WDR87: variants seen among roughly 807,000 people sequenced by gnomAD.
WDR87 encodes the protein WD repeat domain 87.
In WDR87, 56 loss-of-function variants were observed where a neutral mutation model predicts 83.3. The observed-to-expected ratio is 0.67, with a 90% CI of 0.54 to 0.84. The LOEUF (loss-of-function observed/expected upper bound fraction) is 0.84. WDR87 is among the 40% of genes least tolerant of loss of function. The probability of loss-of-function intolerance (pLI) is 0.00; values close to 1 mark genes in which losing one functional copy is unlikely to be tolerated. For synonymous variants in WDR87, 1,173 were observed against 1,250.6 expected (o/e 0.94, Z 1.31); for missense variants, 2,939 against 3,431.9 (o/e 0.86, Z 3.59).
Position 37,894,275 on chromosome 19 carries a change from C to G in WDR87, c.1428G>C (p.Leu476=). The change falls in exon 4 of 6, where the codon CTG becomes CTC. Residue 476 remains leucine, a synonymous_variant. Transcript: ENST00000447313. ...HFNLGRGLEG[L]IFSGHQSGVI... ...CACCACTCTGGTGCCCAGAGAATAT[C>G]AGTCCCTCTAGACCCCGCCCCAAGT... is the stretch of plus-strand genomic sequence containing the variant. 6.4e-7 allele frequency: 1 copy of G among 1,551,752 alleles called. No homozygotes were observed.
chr19:37,888,400 C>A lies in WDR87; in HGVS notation c.5271G>T (p.Leu1757Phe). 1 of 1,552,148 alleles carries A rather than the reference C, an allele frequency of 6.4e-7. No individual in the cohort carries two copies. The highest frequency in any genetic ancestry group is 1.2e-5 in the South Asian group (1 of 84,052). The change falls in exon 6 of 6, where the codon TTG (leucine) becomes TTT (phenylalanine). Residue 1757 changes from leucine (L) to phenylalanine (F), a missense_variant. Transcript: ENST00000447313. Reference sequence around the variant, plus strand: ...CTTCCATGTCCCATTCCAGTTCCTCCAATTCCTGGGCCAGCTCCTTTTCTT... The same window carrying A: ...CTTCCATGTCCCATTCCAGTTCCTCAAATTCCTGGGCCAGCTCCTTTTCTT... ...DWQEKELAQE[L>F]EELEWDMEEL...
Position 37,892,793 on chromosome 19 carries a change from G to C in WDR87, c.2910C>G (p.Thr970=), listed in dbSNP as rs1256702979. 8 of 1,551,748 alleles carry C rather than the reference G, an allele frequency of 5.2e-6. No homozygotes were observed. In the East Asian group the frequency reaches 1.5e-4, roughly 28 times the overall value. ...ETARRLLNDT[T]NSNPLIRELA... ...GTTCTCGGATCAGCGGGTTGGAATT[G>C]GTTGTATCATTCAGTAGCCGACGGG... Residue 970 remains threonine (T), a synonymous_variant, in exon 4 of 6, where the codon ACC becomes ACG. Transcript: ENST00000447313.
rs1360828296 is a variant in WDR87 at position 37,886,608 on chromosome 19, CCTCA to C, written c.7059_7062del (p.Ser2353ArgfsTer7). ...TCGTCACTCAAACTTTCTGTCTCTT[CCTCA>C]CTCATAATTTCTTCTTTCTCCTCAA... On this transcript the variant is annotated frameshift_variant, in exon 6 of 6. Transcript: ENST00000447313. LOFTEE classifies it low-confidence loss of function (END_TRUNC). 2.0e-6 allele frequency: 3 copies of C among 1,534,610 alleles called. No homozygotes were observed. The highest frequency in any genetic ancestry group is 2.6e-6 in the Non-Finnish European group (3 of 1,140,424).
chr19:37,892,791 T>C lies in WDR87; in HGVS notation c.2912A>G (p.Asn971Ser). Residue 971 changes from asparagine to serine, a missense_variant, in exon 4 of 6, where the codon AAT (asparagine) becomes AGT (serine). Asn to Ser is a conservative substitution (Grantham distance 46). Around this residue, in one of 3 missense-constraint regions of WDR87, gnomAD observed 2,160 missense variants for 2,533.1 expected, o/e 0.85. Coordinates refer to ENST00000447313, the MANE Select transcript of WDR87 (RefSeq NM_001291088.2). ...TAGTTCTCGGATCAGCGGGTTGGAA[T>C]TGGTTGTATCATTCAGTAGCCGACG... ...TARRLLNDTT[N>S]SNPLIRELAW... The C allele has an allele frequency of 3.2e-6, 5 of 1,551,730 alleles. No individual in the cohort carries two copies. The highest frequency in any genetic ancestry group is 1.2e-5 in the South Asian group (1 of 84,058).
In WDR87 at chr19:37,893,562, A is replaced by G. The variant is rs1260581153; in HGVS notation, c.2141T>C (p.Phe714Ser). Residue 714 changes from phenylalanine (F) to serine (S), a missense_variant, in exon 4 of 6, where the codon TTT (phenylalanine) becomes TCT (serine). Physicochemically the swap from Phe to Ser is radical, Grantham distance 155 (BLOSUM62 -2). Coordinates refer to ENST00000447313, the MANE Select transcript of WDR87 (RefSeq NM_001291088.2). ...TCCAGGGTAGATGTACTTGGGCACA[A>G]ACATGGTCTCAAAGGAGAAGAAGAA... ...PSFFFSFETM[F>S]VPKYIYPGQA... 6.4e-7 allele frequency: 1 copy of G among 1,551,830 alleles called. No individual in the cohort carries two copies. The highest frequency in any genetic ancestry group is 2.4e-5 in the East Asian group (1 of 40,920).
In WDR87 at chr19:37,888,652, C is replaced by T. The variant is rs1206450295; in HGVS notation, c.5019G>A (p.Glu1673=). The T allele has an allele frequency of 1.3e-6, 2 of 1,551,972 alleles. No individual in the cohort carries two copies. The highest frequency in any genetic ancestry group is 1.4e-5 in the African/African-American group (1 of 73,010). ...TTTCCTCTTTCTGGGCAAACTTACCCTCTGCCTGGGCCATTTCCCTGTCAT... is the reference window on the plus strand; with the variant it reads ...TTTCCTCTTTCTGGGCAAACTTACCTTCTGCCTGGGCCATTTCCCTGTCAT... ...TQDDREMAQA[E]GKFAQKEETL... The change falls in exon 6 of 6, where the codon GAG becomes GAA. Residue 1673 remains glutamate, a synonymous_variant. Transcript: ENST00000447313.
chr19:37,894,622 A>G lies in WDR87; in HGVS notation c.1081T>C (p.Cys361Arg). The change falls in exon 4 of 6, where the codon TGT becomes CGT. Residue 361 changes from cysteine (C) to arginine (R), a missense_variant. By Grantham distance (180) the Cys-to-Arg change is radical (BLOSUM62 -3). Around this residue, in one of 3 missense-constraint regions of WDR87, gnomAD observed 553 missense variants for 577.9 expected, o/e 0.96. Transcript: ENST00000447313. Reference protein sequence around the residue: ...LPCFYSLFNVCGSAPQQLRRV... With the variant: ...LPCFYSLFNVRGSAPQQLRRV... ...CGCAACTGCTGGGGAGCAGAGCCAC[A>G]GACATTGAAGAGGCTGTAGAAGCAG... 1.3e-6 allele frequency: 2 copies of G among 1,551,772 alleles called. No homozygotes were observed. Among genetic ancestry groups the G allele is most frequent in the Non-Finnish European group, 1.7e-6 (2 of 1,147,002 alleles).
chr19:37,894,798 C>G lies in WDR87; in HGVS notation c.905G>C (p.Gly302Ala), dbSNP rs2046239786. 2 of 1,551,618 alleles carry G rather than the reference C, an allele frequency of 1.3e-6. No homozygotes were observed. The highest frequency in any genetic ancestry group is 2.7e-5 in the African/African-American group (2 of 73,046). The part of the protein sequence containing the change: ...RPEAHTLLTA[G>A]SDSLIKEWNL... The stretch of plus-strand genomic sequence containing the variant: ...CCACTCCTTGATTAGGCTGTCACTA[C>G]CAGCTGTTAGCAGGGTGTGGGCCTC... Residue 302 changes from glycine to alanine, a missense_variant, in exon 4 of 6, where the codon GGT becomes GCT. Coordinates refer to ENST00000447313, the MANE Select transcript of WDR87 (RefSeq NM_001291088.2).
In WDR87 at chr19:37,884,864, C is replaced by T. The variant is rs1237278997; in HGVS notation, c.*68G>A. The T allele has an allele frequency of 3.3e-6, 4 of 1,212,864 alleles. No homozygotes were observed. The African/African-American group carries it at 4.7e-5, about 14-fold the overall frequency. 75.1% of individuals were successfully genotyped at this position (1,212,864 alleles called of 1,614,324 possible). ...AAAAGAGAGAGAGAGAGATGAAGGT[C>T]TAGATCCTGGTAATTAGGCCTTTCT... On this transcript the variant is annotated 3_prime_UTR_variant, in exon 6 of 6. Coordinates refer to ENST00000447313, the MANE Select transcript of WDR87 (RefSeq NM_001291088.2).
At position 37,885,597 on chromosome 19, in the gene WDR87, G is replaced by T. The variant is rs544012769; in HGVS notation, c.8074C>A (p.Gln2692Lys). 4 of 1,551,722 alleles carry T rather than the reference G, an allele frequency of 2.6e-6. No individual in the cohort carries two copies. Among genetic ancestry groups the T allele is most frequent in the Non-Finnish European group, 3.5e-6 (4 of 1,147,008 alleles). ...ATCTCCTTGTGAGCAATGGATATCT[G>T]CTGTGCCCTCTCACTTCTGTAAGGT... ...GEPYRSERAQ[Q>K]ISIAHKEMEM... is the part of the protein sequence containing the mutation. Residue 2692 changes from glutamine (Q) to lysine (K), a missense_variant, in exon 6 of 6, where the codon CAG becomes AAG. Around this residue, in one of 3 missense-constraint regions of WDR87, gnomAD observed 2,160 missense variants for 2,533.1 expected, o/e 0.85. Coordinates refer to ENST00000447313, the MANE Select transcript of WDR87 (RefSeq NM_001291088.2).
intron 1 of WDR87, among the ~76,000 whole-genome samples, chr19:37,898,678 G>T (rs142960709): frequency 3.7e-4 from 57 of 152,274 alleles, no homozygotes; most frequent in African/African-American, 1.3e-3. Context: ...TCAAAGTATG[G>T]TCCCTGGACC....
At position 37,885,468 on chromosome 19, in the gene WDR87, C is replaced by T; in HGVS notation, c.8203G>A (p.Asp2735Asn). 2 of 1,551,520 alleles carry T rather than the reference C, an allele frequency of 1.3e-6. No individual in the cohort carries two copies. The highest frequency in any genetic ancestry group is 1.2e-5 in the South Asian group (1 of 84,066). Residue 2735 changes from aspartate (D) to asparagine (N), a missense_variant, in exon 6 of 6, where the codon GAT becomes AAT. Coordinates refer to ENST00000447313, the MANE Select transcript of WDR87 (RefSeq NM_001291088.2). Reference sequence around the variant, plus strand: ...GGAAACCTGCGTTTATCCTTAAAATCCCAGAAGTCCTTTTGAAACATCAGT... The same window carrying T: ...GGAAACCTGCGTTTATCCTTAAAATTCCAGAAGTCCTTTTGAAACATCAGT... ...LALMFQKDFW[D>N]FKDKRRFPKL...
rs548418793 is a variant in WDR87, at chr19:37,900,729, C to T, written c.-46-2444G>A. Among the ~76,000 whole-genome samples the T allele has an allele frequency of 7.2e-5, 11 of 152,028 alleles. No individual in the cohort carries two copies. In the East Asian group the frequency reaches 1.4e-3, roughly 19 times the overall value. On this transcript the variant is annotated intron_variant, in intron 1 of 5. Transcript: ENST00000447313. ...GCACACACCATCCTGTCTCTTTCCA[C>T]GCTCCCCAGACTGCATGCTGCCCTC...
chr19:37,903,400 C>G (rs1344154747), intron 1 of WDR87, among the ~76,000 whole-genome samples: 4 of 152,182 alleles, frequency 2.6e-5, no homozygotes, highest in Admixed American at 1.3e-4. Context: ...GTTTTCCAGG[C>G]TGACAAACAT....
In WDR87 at chr19:37,888,070, C is replaced by T. The variant is rs746257807; in HGVS notation, c.5601G>A (p.Lys1867=). 29 of 1,551,528 alleles carry T rather than the reference C, an allele frequency of 1.9e-5. No individual in the cohort carries two copies. Among genetic ancestry groups the T allele is most frequent in the Non-Finnish European group, 2.5e-5 (29 of 1,147,008 alleles). ...TCTTCTGGTACAGTATCATCTTGTT[C>T]TTTGTGAGTTCTTCCATGCTGTTGA... is the stretch of plus-strand genomic sequence containing the variant. The part of the protein sequence containing the change: ...RWINSMEELT[K]NKMILYQKKN... Residue 1867 remains lysine, a synonymous_variant, in exon 6 of 6, where the codon AAG becomes AAA. Coordinates refer to ENST00000447313, the MANE Select transcript of WDR87 (RefSeq NM_001291088.2).
chr19:37,897,999 G>A (rs1285299196), intron 2 of WDR87, among the ~76,000 whole-genome samples, 166 bp downstream of exon 2: 2 of 152,170 alleles, frequency 1.3e-5, no homozygotes, highest in Non-Finnish European at 2.9e-5. Context: ...CGAGAAGTCT[G>A]TGACTCATGG....
Position 37,889,492 on chromosome 19 carries a change from T to A in WDR87, c.4179A>T (p.Ala1393=), listed in dbSNP as rs1163119960. 6.4e-7 allele frequency: 1 copy of A among 1,551,790 alleles called. No homozygotes were observed. The highest frequency in any genetic ancestry group is 1.2e-5 in the South Asian group (1 of 84,052). ...PREEEQAQKK[A]RDMLGLEETQ... ...TTTCCTCCAAGCCCAGCATGTCTCTTGCTTTCTTTTGTGCTTGTTCTTCTT... is the reference window on the plus strand; with the variant it reads ...TTTCCTCCAAGCCCAGCATGTCTCTAGCTTTCTTTTGTGCTTGTTCTTCTT... Residue 1393 remains alanine, a synonymous_variant, in exon 6 of 6, where the codon GCA becomes GCT. Transcript: ENST00000447313.
intron 2 of WDR87, among the ~76,000 whole-genome samples, chr19:37,897,334 G>A (rs111999617): frequency 0.018 from 2,635 of 147,880 alleles, 80 homozygotes; most frequent in African/African-American, 0.062. Context: ...TCAGCCTCCC[G>A]AGTAGCTGAA....
Position 37,893,811 on chromosome 19 carries a change from C to T in WDR87, c.1892G>A (p.Arg631Gln), listed in dbSNP as rs1459999169. Reference protein sequence around the residue: ...FVTGSADGSVRIWDFHGRLIG... With the variant: ...FVTGSADGSVQIWDFHGRLIG... ...GAGTCTGCCATGGAAGTCCCAGATC[C>T]GAACAGAGCCATCGGCAGAACCTGT... Residue 631 changes from arginine to glutamine, a missense_variant, in exon 4 of 6, where the codon CGG (arginine) becomes CAG (glutamine). By Grantham distance (43) the Arg-to-Gln change is conservative (BLOSUM62 1). Around this residue, in one of 3 missense-constraint regions of WDR87, gnomAD observed 553 missense variants for 577.9 expected, o/e 0.96. Coordinates refer to ENST00000447313, the MANE Select transcript of WDR87 (RefSeq NM_001291088.2). 10 of 1,551,552 alleles carry T rather than the reference C, an allele frequency of 6.4e-6. No homozygotes were observed. The highest frequency in any genetic ancestry group is 2.7e-5 in the African/African-American group (2 of 72,992).
Sources: gnomAD v4.1 joint callset for allele counts (sites outside exome capture counted in the v4.1 genomes callset) on GRCh38, gnomAD v4.1.1 for gene constraint, gnomAD v4.1.1 regional missense constraint, MANE v1.5 for transcripts, NCBI Gene and HGNC (gene_info 2026-07-23, HGNC 2026-07-21) for gene names.